Variants in VAT1L observed in about 807,000 individuals in gnomAD.
VAT1L encodes the protein putative NADPH-dependent quinone oxidoreductase VAT1L.
VAT1L carries 34 observed loss-of-function variants against 44.1 expected under a neutral mutation model. The ratio of observed to expected loss-of-function variants is 0.77; its 90% CI spans 0.59 to 1.03. VAT1L has a LOEUF of 1.03. Among genes scored for constraint, VAT1L ranks in the 50% least tolerant of loss-of-function variants. The pLI is 0.00. For synonymous variants in VAT1L, 253 were observed against 202.2 expected, an observed-to-expected ratio of 1.25 and a Z score of -2.13; for missense variants, 615 against 538.8, an observed-to-expected ratio of 1.14 and a Z score of -1.40.
At chr16:77,968,294 G>T (rs1360865962) in intron 7 of VAT1L, among the ~76,000 whole-genome samples, 1 of 152,156 alleles carries the variant, frequency 6.6e-6, no homozygotes, top group Non-Finnish European at 1.5e-5. Flanking sequence ...TTCAGGGCCA[G>T]TCCACAGTGC....
At chr16:77,801,467 G>A (rs2016050471) in intron 1 of VAT1L, 1 of 152,066 alleles carries the variant, frequency 6.6e-6, no homozygotes, top group Non-Finnish European at 1.5e-5. Flanking sequence ...TTTCATCCAG[G>A]CCTGTATTCT....
chr16:77,940,814 TG>T (rs1225254792), intron 7 of VAT1L, among the ~76,000 whole-genome samples: 1 of 152,134 alleles, frequency 6.6e-6, no homozygotes, highest in African/African-American at 2.4e-5. Context: ...GATGACTTGG[TG>T]GGGGGCTGGG....
intron 7 of VAT1L, among the ~76,000 whole-genome samples, chr16:77,938,343 A>G (rs1425906716): frequency 2.6e-5 from 4 of 152,218 alleles, no homozygotes; most frequent in African/African-American, 9.6e-5. Context: ...CCTATAAACA[A>G]AACTGAACGC....
intron 7 of VAT1L, among the ~76,000 whole-genome samples, chr16:77,933,300 G>T (rs1597105842): frequency 6.6e-6 from 1 of 152,156 alleles, no homozygotes; most frequent in Non-Finnish European, 1.5e-5. Flanking sequence ...GCTAATAAGT[G>T]ACAAAGCCAG....
intron 6 of VAT1L, chr16:77,882,042 C>G (rs1315664396): frequency 6.6e-6 from 1 of 152,228 alleles, no homozygotes; most frequent in Non-Finnish European, 1.5e-5. Context: ...GCAGGGGTTC[C>G]TATTTCCAGA....
Position 77,884,421 on chromosome 16 carries a change from T to C in VAT1L, c.883-187T>C, listed in dbSNP as rs906835246. On this transcript the variant is annotated intron_variant, in intron 6 of 8. Transcript: ENST00000302536. The surrounding 1 kb of genome is among the most constrained non-coding windows in gnomAD (Gnocchi z 4.5). ...CTGGGCTACAGAGTGAGACTCCATCTCAAAAAATAAAAATAAAAAATAAAA... is the reference window on the plus strand; with the variant it reads ...CTGGGCTACAGAGTGAGACTCCATCCCAAAAAATAAAAATAAAAAATAAAA... 6.6e-6 allele frequency among the ~76,000 whole-genome samples: 1 copy of C among 151,360 alleles called. No homozygotes were observed. Among genetic ancestry groups the C allele is most frequent in the East Asian group, 1.9e-4 (1 of 5,152 alleles).
chr16:77,973,130 C>T (rs1414251878), intron 8 of VAT1L, among the ~76,000 whole-genome samples: 2 of 152,170 alleles, frequency 1.3e-5, no homozygotes, highest in Admixed American at 6.5e-5. Flanking sequence ...AGTGCACAGA[C>T]CATCCGACTG....
At chr16:77,864,197 G>A (rs776446249) in intron 4 of VAT1L, among the ~76,000 whole-genome samples, 20 of 152,188 alleles carry the variant, frequency 1.3e-4, no homozygotes, top group African/African-American at 3.9e-4. Flanking sequence ...CAGAGCTTCC[G>A]AGAGGATTCA....
chr16:77,789,117 G>T (rs1597156212), intron 1 of VAT1L, among the ~76,000 whole-genome samples: 1 of 152,214 alleles, frequency 6.6e-6, no homozygotes, highest in East Asian at 1.9e-4. Context: ...AGATCTAGGG[G>T]TGACGGGAGG....
intron 4 of VAT1L, among the ~76,000 whole-genome samples, chr16:77,870,581 G>A (rs903624101): frequency 1.3e-5 from 2 of 152,196 alleles, no homozygotes; most frequent in African/African-American, 4.8e-5. Context: ...AGGAAGGACA[G>A]ACATGAAGGT....
chr16:77,879,556 G>C lies in VAT1L; in HGVS notation c.882+332G>C, dbSNP rs2017127809. On this transcript the variant is annotated intron_variant, in intron 6 of 8. Coordinates refer to ENST00000302536, the MANE Select transcript of VAT1L (RefSeq NM_020927.3). The surrounding 1 kb of genome is among the most constrained non-coding windows in gnomAD (Gnocchi z 4.1). ...CCGCCTCAGCCTCCCAAAGTGCTGGGATTACAGGCGTGAGCCACCGCACCC... is the reference window on the plus strand; with the variant it reads ...CCGCCTCAGCCTCCCAAAGTGCTGGCATTACAGGCGTGAGCCACCGCACCC... 6.6e-6 allele frequency among the ~76,000 whole-genome samples: 1 copy of C among 152,206 alleles called. No individual in the cohort carries two copies. The highest frequency in any genetic ancestry group is 2.1e-4 in the South Asian group (1 of 4,836).
intron 7 of VAT1L, among the ~76,000 whole-genome samples, chr16:77,910,684 A>G (rs1019712903): frequency 3.7e-4 from 56 of 149,524 alleles, no homozygotes; most frequent in African/African-American, 1.4e-3. Context: ...AAAAAAAAAA[A>G]AAAAAAAAAG....
chr16:77,876,477 A>C lies in VAT1L; in HGVS notation c.826+4A>C. On this transcript the variant is annotated splice_donor_region_variant and intron_variant, in intron 5 of 8. Coordinates refer to ENST00000302536, the MANE Select transcript of VAT1L (RefSeq NM_020927.3). ...CTGGGAACCTACATTTTATATGGTG[A>C]GTGCAAAACAGCAGCAGGGACGTGG... 6.2e-7 allele frequency: 1 copy of C among 1,613,510 alleles called. No homozygotes were observed. Among genetic ancestry groups the C allele is most frequent in the Non-Finnish European group, 8.5e-7 (1 of 1,179,384 alleles).
At chr16:77,843,951 A>T (rs772178593) in intron 3 of VAT1L, among the ~76,000 whole-genome samples, 6 of 152,180 alleles carry the variant, frequency 3.9e-5, no homozygotes, top group Admixed American at 1.3e-4. Flanking sequence ...TTCTTGGGTC[A>T]CCCAGCAGAT....
At chr16:77,903,050 A>AGCATTCCCT (rs2017401619) in intron 7 of VAT1L, among the ~76,000 whole-genome samples, 1 of 152,136 alleles carries the variant, frequency 6.6e-6, no homozygotes, top group African/African-American at 2.4e-5. Flanking sequence ...ATAGTAGATA[A>AGCATTCCCT]TACTTTTAAT....
At chr16:77,862,265 G>A (rs74618723) in intron 3 of VAT1L, among the ~76,000 whole-genome samples, 1 of 152,292 alleles carries the variant, frequency 6.6e-6, no homozygotes, top group African/African-American at 2.4e-5. Flanking sequence ...GAGGCCTGGA[G>A]GGCTAAACAT....
chr16:77,911,785 G>C (rs546698959), intron 7 of VAT1L, among the ~76,000 whole-genome samples: 12 of 152,324 alleles, frequency 7.9e-5, no homozygotes, highest in Admixed American at 7.8e-4. Context: ...TCCCCAGGGA[G>C]TGGGGTCAGC....
chr16:77,934,538 G>C (rs1041788938), intron 7 of VAT1L, among the ~76,000 whole-genome samples: 1 of 152,110 alleles, frequency 6.6e-6, no homozygotes, highest in Non-Finnish European at 1.5e-5. Context: ...TTAGGCCAAT[G>C]AAAACCATTT....
chr16:77,963,003 G>A (rs2018180493), intron 7 of VAT1L, among the ~76,000 whole-genome samples: 1 of 152,152 alleles, frequency 6.6e-6, no homozygotes, highest in Admixed American at 6.5e-5. Flanking sequence ...GACATAGACA[G>A]CTTTCAGAAA....
Sources: allele counts gnomAD v4.1 joint callset (sites outside exome capture counted in the v4.1 genomes callset), GRCh38; gene constraint gnomAD v4.1.1; non-coding constraint Gnocchi (gnomAD v3.1); transcripts MANE v1.5; gene names NCBI Gene and HGNC (gene_info 2026-07-23, HGNC 2026-07-21).